The following TNIP1 variants were observed in gnomAD, a reference collection of about 807,000 sequenced individuals.
The protein encoded by TNIP1 is TNFAIP3-interacting protein 1.
In TNIP1, 22 loss-of-function variants were observed where a neutral mutation model predicts 86.6. The ratio of observed to expected loss-of-function variants is 0.25; its 90% CI spans 0.18 to 0.36. The LOEUF (loss-of-function observed/expected upper bound fraction) is 0.36, where lower values mean the gene tolerates loss of function less well. Ranked by LOEUF, TNIP1 falls within the 10% of genes least tolerant of loss-of-function variation. The probability of loss-of-function intolerance (pLI) is 1.00; values close to 1 mark genes in which losing one functional copy is unlikely to be tolerated. For synonymous variants in TNIP1, 294 were observed against 313.0 expected (o/e 0.94, Z 0.64); for missense variants, 709 against 820.6 (o/e 0.86, Z 1.66).
At chr5:151,085,895 T>A (rs974679430), upstream of TNIP1, among the ~76,000 whole-genome samples, 1 of 152,164 alleles carries the variant, frequency 6.6e-6, no homozygotes, top group African/African-American at 2.4e-5. Flanking sequence ...GCAATCCTCT[T>A]TCAGTCCCAC....
chr5:151,035,884 G>C (rs570311113), intron 13 of TNIP1, among the ~76,000 whole-genome samples, 177 bp from the exon 14 acceptor site: 22 of 152,314 alleles, frequency 1.4e-4, no homozygotes, highest in South Asian at 8.3e-4. Flanking sequence ...GAGTAGTTCT[G>C]TGTCCCTCTA....
intron 1 of TNIP1, among the ~76,000 whole-genome samples, chr5:151,071,038 G>A (rs933013474): frequency 7.2e-5 from 11 of 151,862 alleles, no homozygotes; most frequent in African/African-American, 1.2e-4. Context: ...GGGTGGGGGG[G>A]GCGCAGTATA....
rs76034144 is a variant in TNIP1, at chr5:151,074,292, A to G, written c.-37+6588T>C. Among the ~76,000 whole-genome samples the G allele has an allele frequency of 8.6e-3, 1,310 of 152,286 alleles. 18 individuals carry two copies. Among genetic ancestry groups the G allele is most frequent in the African/African-American group, 0.03 (1,262 of 41,550 alleles). ...GCTGAGTGCAGTGGTGCATGCCTGT[A>G]GTCCCAGCTACTCCAGAGACAGACG... On this transcript the variant is annotated intron_variant, in intron 1 of 17. Coordinates refer to ENST00000521591, the MANE Select transcript of TNIP1 (RefSeq NM_006058.5).
At chr5:151,038,717 A>G (rs1410816364) in intron 12 of TNIP1, among the ~76,000 whole-genome samples, 2 of 152,210 alleles carry the variant, frequency 1.3e-5, no homozygotes, top group East Asian at 1.9e-4. Flanking sequence ...ACAGAATTAA[A>G]TAAGTGATGA....
At position 151,045,931 on chromosome 5, in the gene TNIP1, T is replaced by G; in HGVS notation, c.866A>C (p.Lys289Thr). ...GCCCAAGGCCACCACCTCTGGGACC[T>G]TACCTGCCGTCACACTAGCCTGGGG... Reference protein sequence around the residue: ...GQQQASVTAGKVPEVVALGAA... With the variant: ...GQQQASVTAGTVPEVVALGAA... The change falls in exon 9 of 18, where the codon AAG becomes ACG. Residue 289 changes from lysine to threonine, a missense_variant. By Grantham distance (78) the Lys-to-Thr change is moderately conservative (BLOSUM62 -1). Transcript: ENST00000521591. The G allele has an allele frequency of 6.2e-7, 1 of 1,614,052 alleles. No homozygotes were observed. The highest frequency in any genetic ancestry group is 1.1e-5 in the South Asian group (1 of 91,084).
rs1761650683 is a variant in TNIP1 at position 151,062,134 on chromosome 5, G to A, written c.350C>T (p.Pro117Leu). The change falls in exon 4 of 18, where the codon CCA (proline) becomes CTA (leucine). Residue 117 changes from proline (P) to leucine (L), a missense_variant. Coordinates refer to ENST00000521591, the MANE Select transcript of TNIP1 (RefSeq NM_006058.5). ...ACTCCAAATAAAACTTACACTGGAT[G>A]GAGGCTTCTGGACTGGTGCTGGCTT... ...SDKPAPVQKP[P>L]SSGTSSEFEV... is the part of the protein sequence containing the mutation. The A allele has an allele frequency of 1.2e-6, 2 of 1,614,146 alleles. No individual in the cohort carries two copies. The highest frequency in any genetic ancestry group is 2.2e-5 in the East Asian group (1 of 44,884).
intron 2 of TNIP1, 27 bp downstream of exon 2, chr5:151,064,933 G>T (rs200848741): frequency 6.2e-7 from 1 of 1,613,384 alleles, no homozygotes; most frequent in African/African-American, 1.3e-5. Flanking sequence ...AGGGGCGCTC[G>T]CAGGGAGGGG....
chr5:151,036,656 G>A (rs1757741711), intron 13 of TNIP1, 134 bp downstream of exon 13: 3 of 1,336,366 alleles, frequency 2.2e-6, no homozygotes, highest in Admixed American at 4.3e-5. Context: ...TAGAGCCAGT[G>A]GGGGGCCCTG....
chr5:151,073,304 TA>T (rs1318260170), intron 1 of TNIP1, among the ~76,000 whole-genome samples: 1 of 151,078 alleles, frequency 6.6e-6, no homozygotes, highest in Non-Finnish European at 1.5e-5. Flanking sequence ...GATTCAGTAA[TA>T]CCCTATCTAG....
At chr5:151,072,084 GAAGTT>G in intron 1 of TNIP1, among the ~76,000 whole-genome samples, 1 of 152,360 alleles carries the variant, frequency 6.6e-6, no homozygotes, top group African/African-American at 2.4e-5. Flanking sequence ...CAGACTCAGA[GAAGTT>G]AAGTCATTTG....
intron 2 of TNIP1, among the ~76,000 whole-genome samples, chr5:151,064,420 G>T (rs1039645756): frequency 6.6e-6 from 1 of 152,230 alleles, no homozygotes; most frequent in East Asian, 1.9e-4. Context: ...GGAGGAGAAG[G>T]GGGCACAGCA....
At chr5:151,062,602 G>A (rs1761721377) in intron 3 of TNIP1, among the ~76,000 whole-genome samples, 1 of 152,214 alleles carries the variant, frequency 6.6e-6, no homozygotes, top group Non-Finnish European at 1.5e-5. Flanking sequence ...GGCTTGGGAA[G>A]GTCATCAACT....
intron 8 of TNIP1, among the ~76,000 whole-genome samples, chr5:151,048,523 C>T (rs989010194): frequency 2.0e-5 from 3 of 152,204 alleles, no homozygotes; most frequent in African/African-American, 7.2e-5. Flanking sequence ...CTCGTCGCCC[C>T]TCTGTAACAC....
intron 13 of TNIP1, 110 bp downstream of exon 13, chr5:151,036,680 A>C: frequency 6.5e-7 from 1 of 1,546,372 alleles, no homozygotes; most frequent in Non-Finnish European, 8.8e-7. Context: ...AATGGCCAGA[A>C]AGTGGATTAC....
intron 7 of TNIP1, among the ~76,000 whole-genome samples, 172 bp downstream of exon 7, chr5:151,051,993 G>A (rs983285857): frequency 6.6e-6 from 1 of 152,168 alleles, no homozygotes; most frequent in Non-Finnish European, 1.5e-5. Context: ...AAGGGCCAGA[G>A]AGAAAATACC....
intron 16 of TNIP1, 85 bp from the exon 17 acceptor site, chr5:151,032,468 G>A (rs1757033076): frequency 1.5e-6 from 2 of 1,302,196 alleles, no homozygotes; most frequent in Admixed American, 2.1e-5. Context: ...TACTAAATCT[G>A]TATTAGTCAA....
chr5:151,055,350 T>C (rs891942237), intron 6 of TNIP1, among the ~76,000 whole-genome samples: 1 of 152,182 alleles, frequency 6.6e-6, no homozygotes, highest in African/African-American at 2.4e-5. Context: ...GCAGGACCCC[T>C]TTTAAGGGGC....
At chr5:151,061,480 ATT>A (rs5872187) in intron 4 of TNIP1, among the ~76,000 whole-genome samples, 5 of 146,352 alleles carry the variant, frequency 3.4e-5, no homozygotes, top group Non-Finnish European at 4.5e-5. Context: ...AAATCTGTAG[ATT>A]TTTTTTTTTT....
upstream of TNIP1, among the ~76,000 whole-genome samples, chr5:151,085,625 C>T (rs1216659534): frequency 6.6e-6 from 1 of 152,220 alleles, no homozygotes; most frequent in Non-Finnish European, 1.5e-5. Context: ...AGCCTCGTCA[C>T]ATACGTGGCC....
Sources: allele counts gnomAD v4.1 joint callset (sites outside exome capture counted in the v4.1 genomes callset), GRCh38; gene constraint gnomAD v4.1.1; transcripts MANE v1.5; gene names NCBI Gene and HGNC (gene_info 2026-07-23, HGNC 2026-07-21).